The following CD63 variants were observed in gnomAD, a reference collection of about 807,000 sequenced individuals.
CD63 encodes CD63 antigen.
In CD63, 16 loss-of-function variants were observed where a neutral mutation model predicts 29.2. That is an observed-to-expected ratio of 0.55 (90% CI 0.37 to 0.83). CD63 has a LOEUF of 0.83. Among genes scored for constraint, CD63 ranks in the 40% least tolerant of loss-of-function variants. CD63 has a pLI of 0.00. For synonymous variants in CD63, 118 were observed against 111.7 expected, an observed-to-expected ratio of 1.06 and a Z score of -0.36; for missense variants, 251 against 297.3, an observed-to-expected ratio of 0.84 and a Z score of 1.15.
At chr12:55,725,647 A>G (rs376086542) in intron 7 of CD63, 21 bp from the exon 8 acceptor site, 7 of 1,610,430 alleles carry the variant, frequency 4.3e-6, no homozygotes, top group African/African-American at 4.0e-5. Context: ...AGATGGGGAC[A>G]GGGGTGGAGA....
At chr12:55,727,779 T>G in intron 2 of CD63, 1 of 1,030,162 alleles carries the variant, frequency 9.7e-7, no homozygotes, top group Non-Finnish European at 1.2e-6. Flanking sequence ...GCAAGAGTGA[T>G]GTGTCCCTCC....
rs2136147868 is a variant in CD63 at position 55,726,177 on chromosome 12, T to C, written c.511A>G (p.Ile171Val). The C allele has an allele frequency of 1.2e-6, 2 of 1,614,080 alleles. No individual in the cohort carries two copies. The highest frequency in any genetic ancestry group is 1.7e-6 in the Non-Finnish European group (2 of 1,180,004). The change falls in exon 6 of 8, where the codon ATT becomes GTT. Residue 171 changes from isoleucine (I) to valine (V), a missense_variant. Ile to Val is a conservative substitution (Grantham distance 29). Coordinates refer to ENST00000257857, the MANE Select transcript of CD63 (RefSeq NM_001780.6). ...ATCCCACAGCCCACAGTAACATTAA[T>C]GCAGCAGGAGTCGGGGACTCGGTTC... Reference protein sequence around the residue: ...SKNRVPDSCCINVTVGCGINF... With the variant: ...SKNRVPDSCCVNVTVGCGINF...
rs1877470957 is a variant in CD63 at position 55,727,041 on chromosome 12, G to A, written c.256-77C>T. 8 of 1,567,706 alleles carry A rather than the reference G, an allele frequency of 5.1e-6. No individual in the cohort carries two copies. The South Asian group carries it at 7.8e-5, about 15-fold the overall frequency. ...CCCGTTTTGGCACAGCCGGTCCCTG[G>A]ACACTCACAAAGGTCTTCCTCACCC... On this transcript the variant is annotated intron_variant, in intron 3 of 7. Transcript: ENST00000257857.
chr12:55,725,706 A>AC (rs1229834769), intron 7 of CD63, 80 bp from the exon 8 acceptor site: 3 of 1,514,272 alleles, frequency 2.0e-6, no homozygotes, highest in Admixed American at 3.4e-5. Context: ...GACTCCAAAC[A>AC]CACACTCCCA....
At position 55,728,716 on chromosome 12, in the gene CD63, C is replaced by G. The variant is rs1452010413; in HGVS notation, c.-12+237G>C. ...CGGTCTTCAGCCCAACCCCGACCCC[C>G]GCCCCAGCCCCTTTCCCCTGGGCTC... On this transcript the variant is annotated intron_variant, in intron 1 of 7. Coordinates refer to ENST00000257857, the MANE Select transcript of CD63 (RefSeq NM_001780.6). The surrounding 1 kb of genome is among the most constrained non-coding windows in gnomAD (Gnocchi z 4.8). The G allele has an allele frequency of 1.9e-6, 2 of 1,051,660 alleles. No individual in the cohort carries two copies. The highest frequency in any genetic ancestry group is 2.3e-6 in the Non-Finnish European group (2 of 870,272). The allele number at this position is 1,051,660 out of a possible 1,614,324, so 65.1% of individuals were successfully genotyped here.
chr12:55,724,847 C>G, downstream of CD63: 1 of 502,986 alleles, frequency 2.0e-6, no homozygotes, highest in Non-Finnish European at 3.6e-6. Flanking sequence ...CGGGGAGTGG[C>G]CATCAAAGGG....
At chr12:55,724,279 A>G, downstream of CD63, 10 of 1,604,320 alleles carry the variant, frequency 6.2e-6, no homozygotes, top group Non-Finnish European at 8.5e-6. Flanking sequence ...GATGGGCTGG[A>G]GTGAGGAAGG....
rs914004131 is a variant in CD63 at position 55,728,101 on chromosome 12, A to G, written c.66+175T>C. On this transcript the variant is annotated intron_variant, in intron 2 of 7. Transcript: ENST00000257857. This position sits in a 1 kb window ranked among gnomAD's most constrained non-coding sequence, Gnocchi z 4.8. ...AGGATGGCCATTCTCGGTGGAAACAAGCCTCAGGTGTCCAGGAAAACTGGA... is the reference window on the plus strand; with the variant it reads ...AGGATGGCCATTCTCGGTGGAAACAGGCCTCAGGTGTCCAGGAAAACTGGA... 2.6e-5 allele frequency among the ~76,000 whole-genome samples: 4 copies of G among 151,072 alleles called. No individual in the cohort carries two copies. The highest frequency in any genetic ancestry group is 9.7e-5 in the African/African-American group (4 of 41,084).
At chr12:55,724,245 A>G, downstream of CD63, 1 of 1,549,402 alleles carries the variant, frequency 6.5e-7, no homozygotes, top group Non-Finnish European at 8.9e-7. Context: ...TGACAAGCCC[A>G]GGGCCCCAGA....
chr12:55,727,835 A>C, intron 2 of CD63: 2 of 1,042,264 alleles, frequency 1.9e-6, no homozygotes, highest in Non-Finnish European at 2.3e-6. Flanking sequence ...GGGCAGGAGC[A>C]AATTGAAGTG....
chr12:55,726,502 A>T (rs756687653), intron 5 of CD63, 198 bp downstream of exon 5: 12 of 624,408 alleles, frequency 1.9e-5, no homozygotes, highest in Non-Finnish European at 3.1e-5. Flanking sequence ...TCACCACCAC[A>T]CCTGGCTAAT....
intron 5 of CD63, 31 bp from the exon 6 acceptor site, chr12:55,726,292 G>A: frequency 2.0e-6 from 3 of 1,476,232 alleles, no homozygotes; most frequent in South Asian, 2.3e-5. Flanking sequence ...GGAGAAGAAG[G>A]TTGTTAAGTG....
chr12:55,727,093 C>G (rs1380025203), intron 3 of CD63, 58 bp downstream of exon 3: 44 of 1,584,512 alleles, frequency 2.8e-5, no homozygotes, highest in Non-Finnish European at 2.1e-5. Context: ...TTCCTGAGCC[C>G]GAACCAAGCT....
downstream of CD63, chr12:55,724,515 C>CGAA (rs768850783): frequency 4.5e-5 from 73 of 1,612,486 alleles, no homozygotes; most frequent in East Asian, 1.6e-3. Context: ...TCACCTGGGT[C>CGAA]CTTCCCAAGC....
chr12:55,726,154 C>T lies in CD63; in HGVS notation c.534G>A (p.Gly178=), dbSNP rs200198746. The change falls in exon 6 of 8, where the codon GGG becomes GGA. Residue 178 remains glycine, a synonymous_variant. Transcript: ENST00000257857. ...GGATCGCCTTCTCGTTGAAATTAAT[C>T]CCACAGCCCACAGTAACATTAATGC... is the stretch of plus-strand genomic sequence containing the variant. ...SCCINVTVGC[G]INFNEKAIHK... is the part of the protein sequence containing the mutation. 2.0e-4 allele frequency: 322 copies of T among 1,613,866 alleles called. 2 individuals carry two copies. Among genetic ancestry groups the T allele is most frequent in the South Asian group, 3.3e-5 (3 of 91,078 alleles).
chr12:55,728,460 G>T lies in CD63; in HGVS notation c.-11-108C>A. The T allele has an allele frequency of 6.6e-7, 1 of 1,509,524 alleles. No individual in the cohort carries two copies. Among genetic ancestry groups the T allele is most frequent in the Non-Finnish European group, 8.9e-7 (1 of 1,128,778 alleles). 93.5% of individuals were successfully genotyped at this position (1,509,524 alleles called of 1,614,324 possible). A position where few individuals can be genotyped will look rare whatever the true frequency, so the allele number is the denominator to read the frequency against. ...CTTCCCTTCACGGCCCCGATTCCCG[G>T]CCCCTCCCACCCGGAAACCCGCGGT... On this transcript the variant is annotated intron_variant, in intron 1 of 7. Transcript: ENST00000257857. This position sits in a 1 kb window ranked among gnomAD's most constrained non-coding sequence, Gnocchi z 4.8.
At position 55,728,048 on chromosome 12, in the gene CD63, G is replaced by A. The variant is rs1210037091; in HGVS notation, c.66+228C>T. 1.2e-6 allele frequency: 1 copy of A among 824,802 alleles called. No individual in the cohort carries two copies. Among genetic ancestry groups the A allele is most frequent in the East Asian group, 2.8e-5 (1 of 35,932 alleles). 51.1% of individuals were successfully genotyped at this position (824,802 alleles called of 1,614,324 possible). ...GTCACCAGACAGGAAGGGCCAGGAG[G>A]GATGGGGGTAGGGGTTGCTGCACAC... On this transcript the variant is annotated intron_variant, in intron 2 of 7. Transcript: ENST00000257857. This position sits in a 1 kb window ranked among gnomAD's most constrained non-coding sequence, Gnocchi z 4.8.
Position 55,728,511 on chromosome 12 carries a change from T to G in CD63, c.-11-159A>C. 1.4e-6 allele frequency: 2 copies of G among 1,461,244 alleles called. No individual in the cohort carries two copies. The highest frequency in any genetic ancestry group is 2.8e-5 in the South Asian group (2 of 71,766). The allele number at this position is 1,461,244 out of a possible 1,614,324, so 90.5% of individuals were successfully genotyped here. A position where few individuals can be genotyped will look rare whatever the true frequency, so the allele number is the denominator to read the frequency against. On this transcript the variant is annotated intron_variant, in intron 1 of 7. Transcript: ENST00000257857. This position sits in a 1 kb window ranked among gnomAD's most constrained non-coding sequence, Gnocchi z 4.8. Reference sequence around the variant, plus strand: ...CGGATCCACGTCTCCCAGCCCCCTCTTTACCCGCAGGAGAGGGGTGGGGGC... The same window carrying G: ...CGGATCCACGTCTCCCAGCCCCCTCGTTACCCGCAGGAGAGGGGTGGGGGC...
Position 55,727,240 on chromosome 12 carries a change from C to G in CD63, c.166G>C (p.Val56Leu), listed in dbSNP as rs1319568372. 6.2e-7 allele frequency: 1 copy of G among 1,613,928 alleles called. No individual in the cohort carries two copies. The highest frequency in any genetic ancestry group is 2.2e-5 in the East Asian group (1 of 44,882). ...AGGAAGACACCCACTGCGATGATGA[C>G]CACTGGCAACAGAGAGCCAGGGGTA... Reference protein sequence around the residue: ...GATPGSLLPVVIIAVGVFLFL... With the variant: ...GATPGSLLPVLIIAVGVFLFL... Residue 56 changes from valine (V) to leucine (L), a missense_variant, in exon 3 of 8, where the codon GTC (valine) becomes CTC (leucine). Coordinates refer to ENST00000257857, the MANE Select transcript of CD63 (RefSeq NM_001780.6).
Sources: gnomAD v4.1 joint callset for allele counts (sites outside exome capture counted in the v4.1 genomes callset) on GRCh38, gnomAD v4.1.1 for gene constraint, Gnocchi (gnomAD v3.1) non-coding constraint, MANE v1.5 for transcripts, NCBI Gene and HGNC (gene_info 2026-07-23, HGNC 2026-07-21) for gene names.